The following GK variants were observed in gnomAD, a reference collection of about 807,000 sequenced individuals.
GK encodes the protein ATP:glycerol 3-phosphotransferase.
GK carries 9 observed loss-of-function variants against 56.4 expected under a neutral mutation model. The observed-to-expected ratio is 0.16, with a 90% confidence interval of 0.10 to 0.28. The LOEUF (loss-of-function observed/expected upper bound fraction) is 0.28, where lower values mean the gene tolerates loss of function less well. Ranked by LOEUF, GK falls within the 10% of genes least tolerant of loss-of-function variation. The probability of loss-of-function intolerance (pLI) is 1.00; values close to 1 mark genes in which losing one functional copy is unlikely to be tolerated. For missense variants in GK, 161 were observed against 431.4 expected, an observed-to-expected ratio of 0.37 and a Z score of 5.55; for synonymous variants, 104 against 144.1, an observed-to-expected ratio of 0.72 and a Z score of 1.99.
At chrX:30,664,361 A>T (rs1341159580) in intron 1 of GK, among the ~76,000 whole-genome samples, 2 of 105,339 alleles carry the variant, frequency 1.9e-5, no homozygotes, top group Non-Finnish European at 3.9e-5. Context: ...CACCACACCT[A>T]GCTAATTTTT....
At chrX:30,709,455 A>G (rs1019662470) in intron 13 of GK, among the ~76,000 whole-genome samples, 1 of 112,225 alleles carries the variant, frequency 8.9e-6, no homozygotes, top group Non-Finnish European at 1.9e-5. Context: ...TTCCAACATT[A>G]GAGGCTGCGG....
At chrX:30,723,928 C>T (rs1005371235) in intron 18 of GK, 173 bp from the exon 19 acceptor site, 1 of 474,387 alleles carries the variant, frequency 2.1e-6, no homozygotes, top group Non-Finnish European at 3.9e-6. Context: ...GTCTTCCAGT[C>T]ACTGGCAGTC....
chrX:30,700,610 G>A (rs1256001351), intron 10 of GK, among the ~76,000 whole-genome samples, 161 bp downstream of exon 10: 1 of 111,640 alleles, frequency 9.0e-6, no homozygotes, highest in Non-Finnish European at 1.9e-5. Context: ...GTGGGCCATT[G>A]AGAATCTTTT....
At chrX:30,679,221 T>C (rs1934130408) in intron 4 of GK, among the ~76,000 whole-genome samples, 1 of 89,452 alleles carries the variant, frequency 1.1e-5, no homozygotes, top group Non-Finnish European at 2.4e-5. Context: ...AATTCTGAGC[T>C]TTTTTTTTTT....
At chrX:30,677,222 A>T (rs1380048937) in intron 3 of GK, among the ~76,000 whole-genome samples, 153 bp from the exon 4 acceptor site, 1 of 112,184 alleles carries the variant, frequency 8.9e-6, no homozygotes, top group African/African-American at 3.2e-5. Flanking sequence ...GAGCCACTCA[A>T]AGAAAATAAA....
chrX:30,704,691 C>A (rs1480092682), intron 11 of GK, among the ~76,000 whole-genome samples: 1 of 109,956 alleles, frequency 9.1e-6, no homozygotes, highest in Admixed American at 9.7e-5. Context: ...CCTGCCTCAG[C>A]CCCCCGAGTA....
chrX:30,663,429 C>G (rs778813164), intron 1 of GK, among the ~76,000 whole-genome samples: 1 of 111,636 alleles, frequency 9.0e-6, no homozygotes, highest in Non-Finnish European at 1.9e-5. Context: ...AGGGATACTT[C>G]AGTGAATAAA....
At chrX:30,727,309 G>T (rs896835416) in intron 19 of GK, among the ~76,000 whole-genome samples, 157 bp from the exon 20 acceptor site, 2 of 112,241 alleles carry the variant, frequency 1.8e-5, no homozygotes, top group African/African-American at 3.2e-5. Flanking sequence ...TTATATTTTT[G>T]ATTTGAAGTA....
Position 30,694,450 on chromosome X carries a change from T to C in GK, c.465T>C (p.Arg155=), listed in dbSNP as rs1042421. The C allele has an allele frequency of 8.3e-7, 1 of 1,200,162 alleles. No individual in the cohort carries two copies. The highest frequency in any genetic ancestry group is 1.8e-5 in the South Asian group (1 of 56,719). Residue 155 remains arginine, a synonymous_variant, in exon 6 of 21, where the codon CGT becomes CGC. Transcript: ENST00000427190. ...CTTACTTCAGTGCAGTGAAACTTCGTTGGCTCCTTGACAATGTGAGAAAAG... is the reference window on the plus strand; with the variant it reads ...CTTACTTCAGTGCAGTGAAACTTCGCTGGCTCCTTGACAATGTGAGAAAAG... ...LSTYFSAVKL[R]WLLDNVRKVQ...
At chrX:30,727,065 T>C (rs1224014849) in intron 19 of GK, among the ~76,000 whole-genome samples, 2 of 112,353 alleles carry the variant, frequency 1.8e-5, no homozygotes, top group Non-Finnish European at 3.8e-5. Context: ...ATAACTCTTC[T>C]CTCATGGCCA....
chrX:30,714,628 G>A (rs986321796), intron 13 of GK, among the ~76,000 whole-genome samples: 2 of 111,577 alleles, frequency 1.8e-5, no homozygotes, highest in Non-Finnish European at 3.8e-5. Flanking sequence ...ATGGAAGCAC[G>A]TACACATCAC....
chrX:30,670,535 T>C (rs1933412592), intron 3 of GK, among the ~76,000 whole-genome samples: 1 of 111,504 alleles, frequency 9.0e-6, no homozygotes, highest in East Asian at 2.8e-4. Flanking sequence ...TCTGTACAAC[T>C]ACCATCCTCT....
At chrX:30,654,879 G>A (rs936801921) in intron 1 of GK, among the ~76,000 whole-genome samples, 6 of 112,045 alleles carry the variant, frequency 5.4e-5, no homozygotes, top group Middle Eastern at 4.6e-3. Flanking sequence ...TCACTTTACC[G>A]CAAATCATGT....
chrX:30,690,244 G>A (rs1309580364), intron 4 of GK, among the ~76,000 whole-genome samples: 1 of 111,979 alleles, frequency 8.9e-6, no homozygotes, highest in Non-Finnish European at 1.9e-5. Flanking sequence ...TTTTCAGGAG[G>A]TATCTGAGCA....
At chrX:30,704,441 C>T (rs1056749439) in intron 11 of GK, among the ~76,000 whole-genome samples, 2 of 108,600 alleles carry the variant, frequency 1.8e-5, no homozygotes, top group African/African-American at 3.4e-5. Flanking sequence ...TGAAATTATT[C>T]ATTAGTGTGG....
At chrX:30,723,255 C>T (rs1174146697) in intron 18 of GK, among the ~76,000 whole-genome samples, 3 of 109,542 alleles carry the variant, frequency 2.7e-5, no homozygotes, top group Non-Finnish European at 3.8e-5. Context: ...ATTAGCTGGG[C>T]GTGGTGGTGG....
At position 30,677,917 on chromosome X, in the gene GK, C is replaced by G; in HGVS notation, c.337+465C>G. Reference sequence around the variant, plus strand: ...GCAGAAGAGTCTGCTAAGAAATTAACTGTTGTATATTTACCATTTTTGGAT... The same window carrying G: ...GCAGAAGAGTCTGCTAAGAAATTAAGTGTTGTATATTTACCATTTTTGGAT... On this transcript the variant is annotated intron_variant, in intron 4 of 20. Transcript: ENST00000427190. 9.8e-6 allele frequency: 5 copies of G among 511,239 alleles called. No individual in the cohort carries two copies. The South Asian group carries it at 1.3e-4, about 13-fold the overall frequency. 42.1% of individuals were successfully genotyped at this position (511,239 alleles called of 1,213,427 possible).
chrX:30,655,903 T>A (rs1407433487), intron 1 of GK, among the ~76,000 whole-genome samples: 2 of 112,348 alleles, frequency 1.8e-5, no homozygotes, highest in African/African-American at 6.5e-5. Flanking sequence ...TCCTGTTTAC[T>A]GGGTTCTGTG....
chrX:30,660,271 T>TA (rs1932654150), intron 1 of GK, among the ~76,000 whole-genome samples: 1 of 110,719 alleles, frequency 9.0e-6, no homozygotes, highest in Admixed American at 9.7e-5. Context: ...CTTTTGGGTA[T>TA]ATACTGTGTC....
Sources: allele counts gnomAD v4.1 joint callset (sites outside exome capture counted in the v4.1 genomes callset), GRCh38; gene constraint gnomAD v4.1.1; transcripts MANE v1.5; gene names NCBI Gene and HGNC (gene_info 2026-07-23, HGNC 2026-07-21).